EML6: variants seen among roughly 807,000 people sequenced by gnomAD.
The protein encoded by EML6 is echinoderm microtubule-associated protein-like 6.
Under a neutral mutation model 240.1 loss-of-function variants are expected in EML6, and 154 were observed. That is an observed-to-expected ratio of 0.64 (90% CI 0.56 to 0.73). EML6 has a LOEUF of 0.73. EML6 is among the 30% of genes least tolerant of loss of function. EML6 has a pLI of 0.00. For synonymous variants in EML6, 1,148 were observed against 899.0 expected (o/e 1.28, Z -4.95); for missense variants, 2,964 against 2,474.6 (o/e 1.20, Z -4.20).
At chr2:54,761,051 A>G (rs1037069503) in intron 2 of EML6, among the ~76,000 whole-genome samples, 6 of 152,194 alleles carry the variant, frequency 3.9e-5, no homozygotes, top group Non-Finnish European at 8.8e-5. Context: ...TTGAGAAACT[A>G]GATTTCAGCT....
chr2:54,882,880 C>T (rs921506993), intron 17 of EML6: 1 of 32,674 alleles, frequency 3.1e-5, no homozygotes, highest in African/African-American at 9.7e-5. Context: ...AAAAAGAAAG[C>T]TTAGGGACAC....
chr2:54,962,950 C>A (rs901075250), intron 36 of EML6, among the ~76,000 whole-genome samples: 3 of 152,212 alleles, frequency 2.0e-5, no homozygotes, highest in African/African-American at 7.2e-5. Context: ...AATATAGAGA[C>A]AAATCATGTT....
intron 26 of EML6, among the ~76,000 whole-genome samples, chr2:54,925,197 C>T (rs935996899): frequency 6.6e-6 from 1 of 152,176 alleles, no homozygotes; most frequent in Non-Finnish European, 1.5e-5. Context: ...CACACACACA[C>T]CGCCCGCTCT....
intron 2 of EML6, among the ~76,000 whole-genome samples, chr2:54,810,688 C>T (rs1667794290): frequency 6.6e-6 from 1 of 152,148 alleles, no homozygotes; most frequent in African/African-American, 2.4e-5. Context: ...ATATGGCAGC[C>T]AAGATGGTTG....
chr2:54,963,999 A>G lies in EML6; in HGVS notation c.5171A>G (p.Lys1724Arg). The G allele has an allele frequency of 6.4e-7, 1 of 1,550,576 alleles. No individual in the cohort carries two copies. Among genetic ancestry groups the G allele is most frequent in the South Asian group, 1.2e-5 (1 of 83,858 alleles). Residue 1724 changes from lysine to arginine, a missense_variant, in exon 37 of 42, where the codon AAG (lysine) becomes AGG (arginine). By Grantham distance (26) the Lys-to-Arg change is conservative. Coordinates refer to ENST00000356458, the MANE Select transcript of EML6 (RefSeq NM_001039753.4). ...WDLADKKLLNKVSLGHAARCA... is the reference protein window; with the variant it reads ...WDLADKKLLNRVSLGHAARCA... ...GCATCAATGTAGAAGCTGTTAAACA[A>G]GGTGAGCTTGGGCCATGCGGCCAGG...
At chr2:54,839,020 A>G (rs1466561821) in intron 7 of EML6, among the ~76,000 whole-genome samples, 1 of 152,240 alleles carries the variant, frequency 6.6e-6, no homozygotes, top group African/African-American at 2.4e-5. Flanking sequence ...CAGAATAGAA[A>G]GCAGTATAAG....
chr2:54,918,260 T>C (rs954874645), intron 26 of EML6, among the ~76,000 whole-genome samples: 1 of 152,076 alleles, frequency 6.6e-6, no homozygotes, highest in African/African-American at 2.4e-5. Flanking sequence ...TTCTAAATCA[T>C]AGAAAAAAAG....
At chr2:54,740,524 C>A (rs1482862303) in intron 2 of EML6, among the ~76,000 whole-genome samples, 6 of 152,230 alleles carry the variant, frequency 3.9e-5, no homozygotes, top group Admixed American at 1.3e-4. Flanking sequence ...CTGGATTGTA[C>A]TTTCATCTGG....
chr2:54,725,373 G>T lies in EML6; in HGVS notation c.197+115G>T. 1.3e-6 allele frequency: 1 copy of T among 745,202 alleles called. No homozygotes were observed. 46.2% of individuals were successfully genotyped at this position (745,202 alleles called of 1,614,324 possible). A position where few individuals can be genotyped will look rare whatever the true frequency, so the allele number is the denominator to read the frequency against. The stretch of plus-strand genomic sequence containing the variant: ...CCCGTGGAATAGAGGATTCTCTCTG[G>T]AGCCGCATGGAATTACTGAAGGGCT... On this transcript the variant is annotated intron_variant, in intron 2 of 41. Transcript: ENST00000356458. This position sits in a 1 kb window ranked among gnomAD's most constrained non-coding sequence, Gnocchi z 4.3.
At chr2:54,773,369 C>T (rs1668475162) in intron 2 of EML6, among the ~76,000 whole-genome samples, 2 of 152,198 alleles carry the variant, frequency 1.3e-5, no homozygotes, top group Non-Finnish European at 2.9e-5. Context: ...CTTCTATGTG[C>T]CCACCTCTTT....
chr2:54,792,770 A>G (rs2103916072), intron 2 of EML6, among the ~76,000 whole-genome samples: 1 of 152,356 alleles, frequency 6.6e-6, no homozygotes, highest in South Asian at 2.1e-4. Flanking sequence ...AAATAGAAAT[A>G]CGCTATAGAA....
intron 2 of EML6, among the ~76,000 whole-genome samples, chr2:54,771,632 A>C (rs532693334): frequency 2.0e-5 from 3 of 152,358 alleles, no homozygotes; most frequent in African/African-American, 7.2e-5. Context: ...GCTATCACAT[A>C]TGTGTGTGAA....
chr2:54,748,847 G>A (rs1684031561), intron 2 of EML6, among the ~76,000 whole-genome samples: 1 of 152,138 alleles, frequency 6.6e-6, no homozygotes, highest in South Asian at 2.1e-4. Flanking sequence ...ACAGGTCTGC[G>A]CCACTGTCCC....
At chr2:54,957,438 G>A (rs556988532) in intron 32 of EML6, among the ~76,000 whole-genome samples, 2 of 150,902 alleles carry the variant, frequency 1.3e-5, no homozygotes, top group African/African-American at 2.4e-5. Flanking sequence ...GTGGGGGGAC[G>A]ACTCCTGTGG....
chr2:54,870,492 G>A (rs1031856183), intron 15 of EML6, among the ~76,000 whole-genome samples: 11 of 151,858 alleles, frequency 7.2e-5, no homozygotes, highest in East Asian at 1.9e-4. Flanking sequence ...AGGGCTGACC[G>A]TTGGTTTATA....
intron 24 of EML6, among the ~76,000 whole-genome samples, chr2:54,909,436 A>G (rs1673522845): frequency 6.6e-6 from 1 of 152,236 alleles, no homozygotes; most frequent in Non-Finnish European, 1.5e-5. Context: ...TCAAGGAAAA[A>G]TCCCCTAATC....
chr2:54,811,170 T>A (rs1452993012), intron 2 of EML6, among the ~76,000 whole-genome samples: 1 of 152,086 alleles, frequency 6.6e-6, no homozygotes, highest in Non-Finnish European at 1.5e-5. Context: ...CTAACACCCC[T>A]CACAGATCTG....
At chr2:54,953,927 G>A (rs1009731055) in intron 31 of EML6, 56 bp from the exon 32 acceptor site, 52 of 1,242,366 alleles carry the variant, frequency 4.2e-5, no homozygotes, top group South Asian at 2.5e-4. Context: ...CATAAGCATC[G>A]CCTTGGCTCT....
At chr2:54,945,255 C>T (rs1264242399) in intron 28 of EML6, among the ~76,000 whole-genome samples, 1 of 25,042 alleles carries the variant, frequency 4.0e-5, no homozygotes, top group Admixed American at 3.9e-4. Context: ...TCTCTCTCTC[C>T]CTCCCCCTTC....
Sources: gnomAD v4.1 joint callset for allele counts (sites outside exome capture counted in the v4.1 genomes callset) on GRCh38, gnomAD v4.1.1 for gene constraint, Gnocchi (gnomAD v3.1) non-coding constraint, MANE v1.5 for transcripts, NCBI Gene and HGNC (gene_info 2026-07-23, HGNC 2026-07-21) for gene names.